XKR6: variants seen among roughly 807,000 people sequenced by gnomAD.
The protein encoded by XKR6 is XK related 6.
Under a neutral mutation model 56.7 loss-of-function variants are expected in XKR6, and 22 were observed. The ratio of observed to expected loss-of-function variants is 0.39; its 90% confidence interval spans 0.28 to 0.55. XKR6 has a LOEUF of 0.55. Ranked by LOEUF, XKR6 falls within the 20% of genes least tolerant of loss-of-function variation. The probability of loss-of-function intolerance (pLI) is 0.66; values close to 1 mark genes in which losing one functional copy is unlikely to be tolerated. For missense variants in XKR6, 852 were observed against 889.0 expected, an observed-to-expected ratio of 0.96 and a Z score of 0.53; for synonymous variants, 524 against 387.8, an observed-to-expected ratio of 1.35 and a Z score of -4.13.
At chr8:11,040,073 A>C (rs1799247110) in intron 1 of XKR6, among the ~76,000 whole-genome samples, 1 of 152,136 alleles carries the variant, frequency 6.6e-6, no homozygotes, top group African/African-American at 2.4e-5. Context: ...AAGCAAGAAG[A>C]AAACGGAGGC....
intron 1 of XKR6, among the ~76,000 whole-genome samples, chr8:11,152,763 G>T (rs778600601): frequency 2.0e-5 from 3 of 152,212 alleles, no homozygotes; most frequent in Admixed American, 6.5e-5. Context: ...TGTGGACAGA[G>T]TGTTTCTTTT....
rs1586284183 is a variant in XKR6 at position 10,902,660 on chromosome 8, T to C, written c.962-3744A>G. On this transcript the variant is annotated intron_variant, in intron 2 of 2. Transcript: ENST00000416569. Reference sequence around the variant, plus strand: ...TCTTCAGGGTTCGAACGCCAGGCCATATCCTTGACACTGTGAAATGCTCCA... The same window carrying C: ...TCTTCAGGGTTCGAACGCCAGGCCACATCCTTGACACTGTGAAATGCTCCA... Among the ~76,000 whole-genome samples, 5 of 152,318 alleles carry C rather than the reference T, an allele frequency of 3.3e-5. No homozygotes were observed. The East Asian group carries it at 9.7e-4, about 29-fold the overall frequency.
At chr8:11,001,804 G>A (rs1472016356) in intron 1 of XKR6, among the ~76,000 whole-genome samples, 1 of 152,208 alleles carries the variant, frequency 6.6e-6, no homozygotes, top group African/African-American at 2.4e-5. Context: ...GAGCAGCCCA[G>A]GCCAGCAGCT....
Position 11,145,060 on chromosome 8 carries a change from G to A in XKR6, c.764+55516C>T, listed in dbSNP as rs200879220. On this transcript the variant is annotated intron_variant, in intron 1 of 2. Coordinates refer to ENST00000416569, the MANE Select transcript of XKR6 (RefSeq NM_173683.4). ...GAGAAAGAAGGGAGGGAGGGAGGAA[G>A]GAAACAAACTACCTGAGTATCTCTA... Among the ~76,000 whole-genome samples, 13 of 151,290 alleles carry A rather than the reference G, an allele frequency of 8.6e-5. No homozygotes were observed. The East Asian group carries it at 2.5e-3, about 29-fold the overall frequency.
At chr8:11,151,743 C>T (rs114874859) in intron 1 of XKR6, among the ~76,000 whole-genome samples, 7,646 of 151,804 alleles carry the variant, frequency 0.05, 246 homozygotes, top group South Asian at 0.11. Flanking sequence ...TATCCATCCA[C>T]GTTCCCTTCT....
chr8:10,926,686 A>G (rs1478352357), intron 1 of XKR6, among the ~76,000 whole-genome samples: 2 of 152,360 alleles, frequency 1.3e-5, no homozygotes, highest in Non-Finnish European at 2.9e-5. Context: ...GGTTATCACC[A>G]TTCAACACAT....
intron 2 of XKR6, among the ~76,000 whole-genome samples, chr8:10,921,622 C>T (rs952722712): frequency 3.3e-5 from 5 of 152,150 alleles, no homozygotes; most frequent in African/African-American, 1.2e-4. Context: ...AGATGAAGGT[C>T]CAAAATCACA....
intron 1 of XKR6, among the ~76,000 whole-genome samples, chr8:11,173,128 G>A (rs1346579118): frequency 6.6e-6 from 1 of 151,074 alleles, no homozygotes; most frequent in South Asian, 2.1e-4. Context: ...GAGGTCAGGA[G>A]ATCGAGACCA....
At chr8:11,105,994 C>G (rs746158314) in intron 1 of XKR6, 1 of 152,204 alleles carries the variant, frequency 6.6e-6, no homozygotes, top group Non-Finnish European at 1.5e-5. Context: ...ATTTTTATTA[C>G]ACCAAGAGTC....
At chr8:11,005,427 G>A (rs1200539727) in intron 1 of XKR6, among the ~76,000 whole-genome samples, 1 of 152,112 alleles carries the variant, frequency 6.6e-6, no homozygotes, top group Non-Finnish European at 1.5e-5. Flanking sequence ...ATGGGGAGCA[G>A]TTATTTAATG....
At chr8:10,949,301 C>G (rs1273723252) in intron 1 of XKR6, among the ~76,000 whole-genome samples, 1 of 152,252 alleles carries the variant, frequency 6.6e-6, no homozygotes, top group East Asian at 1.9e-4. Context: ...CTCTCCATAA[C>G]TGCCCTGCAG....
intron 1 of XKR6, among the ~76,000 whole-genome samples, chr8:10,999,366 G>C (rs1030969133): frequency 2.6e-4 from 39 of 152,196 alleles, no homozygotes; most frequent in African/African-American, 9.4e-4. Context: ...AAAAATTCAG[G>C]ATACAAATTG....
At chr8:11,144,379 T>C (rs957318648) in intron 1 of XKR6, among the ~76,000 whole-genome samples, 3 of 143,154 alleles carry the variant, frequency 2.1e-5, no homozygotes, top group African/African-American at 7.8e-5. Context: ...AGATGAGAGA[T>C]GGTCACATTT....
At chr8:11,038,666 T>C (rs1006903071) in intron 1 of XKR6, among the ~76,000 whole-genome samples, 9 of 151,994 alleles carry the variant, frequency 5.9e-5, no homozygotes, top group Non-Finnish European at 1.0e-4. Context: ...TCCTGAGTAG[T>C]TGGGACCACA....
chr8:11,177,107 T>C (rs1802697392), intron 1 of XKR6, among the ~76,000 whole-genome samples: 1 of 151,934 alleles, frequency 6.6e-6, no homozygotes, highest in African/African-American at 2.4e-5. Context: ...ACTAAGGAAA[T>C]GGAGAAAAAG....
chr8:11,190,999 C>G (rs775980703), intron 1 of XKR6, among the ~76,000 whole-genome samples: 71 of 152,302 alleles, frequency 4.7e-4, no homozygotes, highest in Non-Finnish European at 9.6e-4. Context: ...AACACACTAG[C>G]AGGGCTCACC....
intron 1 of XKR6, among the ~76,000 whole-genome samples, chr8:11,156,675 A>G (rs1488388927): frequency 6.6e-6 from 1 of 152,230 alleles, no homozygotes; most frequent in East Asian, 1.9e-4. Flanking sequence ...TCATCAAAAT[A>G]CTACAAAGTG....
At chr8:10,941,702 G>A (rs575362100) in intron 1 of XKR6, among the ~76,000 whole-genome samples, 3 of 152,338 alleles carry the variant, frequency 2.0e-5, no homozygotes, top group South Asian at 2.1e-4. Context: ...GTGTGGCTAC[G>A]TGGCCTGGGG....
At chr8:11,021,456 T>C (rs1429972754) in intron 1 of XKR6, among the ~76,000 whole-genome samples, 4 of 152,322 alleles carry the variant, frequency 2.6e-5, no homozygotes, top group South Asian at 4.1e-4. Flanking sequence ...GTTTAAGCAA[T>C]GGTTTACATT....
Sources: gnomAD v4.1 joint callset for allele counts (sites outside exome capture counted in the v4.1 genomes callset) on GRCh38, gnomAD v4.1.1 for gene constraint, MANE v1.5 for transcripts, NCBI Gene and HGNC (gene_info 2026-07-23, HGNC 2026-07-21) for gene names.